Variants in UGT1A9 observed in about 807,000 individuals in gnomAD.
The protein encoded by UGT1A9 is UDP-glucuronosyltransferase 1A9.
In UGT1A9, 35 loss-of-function variants were observed where a neutral mutation model predicts 45.0. The ratio of observed to expected loss-of-function variants is 0.78; its 90% CI spans 0.59 to 1.03. The LOEUF (loss-of-function observed/expected upper bound fraction) is 1.03. Among genes scored for constraint, UGT1A9 ranks in the 50% least tolerant of loss-of-function variants. The pLI is 0.00. For synonymous variants in UGT1A9, 278 were observed against 250.6 expected, an observed-to-expected ratio of 1.11 and a Z score of -1.03; for missense variants, 687 against 666.6, an observed-to-expected ratio of 1.03 and a Z score of -0.34.
chr2:233,751,718 G>C (rs144416943), intron 1 of UGT1A9, among the ~76,000 whole-genome samples: 1 of 152,136 alleles, frequency 6.6e-6, no homozygotes, highest in Non-Finnish European at 1.5e-5. Flanking sequence ...TCACTCACAA[G>C]TGAACTCTTC....
intron 1 of UGT1A9, chr2:233,708,393 T>C (rs2076016604): frequency 6.6e-6 from 1 of 152,236 alleles, no homozygotes; most frequent in Admixed American, 6.5e-5. Context: ...TGTGTGTGTT[T>C]ACTTTCATCA....
chr2:233,743,502 T>C (rs1233244952), intron 1 of UGT1A9: 12 of 1,366,994 alleles, frequency 8.8e-6, no homozygotes, highest in African/African-American at 1.5e-5. Context: ...AGAAAAGGGG[T>C]GCAGACGCTC....
At chr2:233,747,905 T>G in intron 1 of UGT1A9, 2 of 1,613,538 alleles carry the variant, frequency 1.2e-6, no homozygotes, top group Non-Finnish European at 1.7e-6. Flanking sequence ...CTGCTCCTTA[T>G]GCAAGCCTTG....
At chr2:233,702,615 A>G (rs1053015833) in intron 1 of UGT1A9, among the ~76,000 whole-genome samples, 1 of 152,126 alleles carries the variant, frequency 6.6e-6, no homozygotes, top group Non-Finnish European at 1.5e-5. Flanking sequence ...TGCCCCCCAC[A>G]TTATGAGATT....
intron 1 of UGT1A9, among the ~76,000 whole-genome samples, chr2:233,761,398 A>G (rs1697764462): frequency 6.6e-6 from 1 of 152,192 alleles, no homozygotes; most frequent in Non-Finnish European, 1.5e-5. Context: ...AGTGGATAGT[A>G]ATCAATTAGA....
intron 1 of UGT1A9, chr2:233,729,551 A>G (rs749535297): frequency 1.9e-6 from 3 of 1,614,038 alleles, no homozygotes; most frequent in Non-Finnish European, 2.5e-6. Flanking sequence ...AGGCACCTGA[A>G]TGCTACTTCC....
intron 1 of UGT1A9, chr2:233,728,958 A>T (rs2077771946): frequency 1.4e-6 from 2 of 1,444,154 alleles, no homozygotes; most frequent in African/African-American, 2.9e-5. Context: ...CCCACAGTGA[A>T]AAACAGTGAT....
At chr2:233,692,730 T>C in intron 1 of UGT1A9, 1 of 933,346 alleles carries the variant, frequency 1.1e-6, no homozygotes, top group Non-Finnish European at 1.4e-6. Flanking sequence ...CTATAACTTT[T>C]CAGAGAGGGA....
intron 1 of UGT1A9, among the ~76,000 whole-genome samples, chr2:233,705,446 C>G (rs1313066011): frequency 6.6e-6 from 1 of 152,110 alleles, no homozygotes. Flanking sequence ...TTCAGAATTG[C>G]ACATATTTTT....
chr2:233,695,194 C>T (rs1403782855), intron 1 of UGT1A9, among the ~76,000 whole-genome samples: 1 of 147,816 alleles, frequency 6.8e-6, no homozygotes, highest in Admixed American at 6.8e-5. Flanking sequence ...GGTGCGATCT[C>T]AGCCCACTGC....
chr2:233,692,722 A>T, intron 1 of UGT1A9: 1 of 845,282 alleles, frequency 1.2e-6, no homozygotes, highest in African/African-American at 1.8e-5. Context: ...AAGTGTTGCT[A>T]TAACTTTTCA....
intron 1 of UGT1A9, among the ~76,000 whole-genome samples, chr2:233,677,778 A>C (rs2074399445): frequency 1.3e-5 from 2 of 152,202 alleles, no homozygotes; most frequent in Non-Finnish European, 1.5e-5. Flanking sequence ...GAGATTTTGC[A>C]AAGAACTTAA....
intron 1 of UGT1A9, chr2:233,743,807 T>G (rs760730105): frequency 2.2e-6 from 3 of 1,367,334 alleles, no homozygotes; most frequent in East Asian, 4.6e-5. Context: ...CTCCTTGTTC[T>G]CAGGGTTTTT....
chr2:233,767,878 A>G lies in UGT1A9; in HGVS notation c.1017A>G (p.Pro339=), dbSNP rs747062491. ...TGTGGCGGTACACTGGAACCCGACC[A>G]TCGAATCTTGCGAACAACACGATAC... ...TVLWRYTGTR[P]SNLANNTILV... The change falls in exon 3 of 5, where the codon CCA becomes CCG. Residue 339 remains proline, a synonymous_variant. Transcript: ENST00000354728. 6.2e-7 allele frequency: 1 copy of G among 1,614,032 alleles called. No individual in the cohort carries two copies. The highest frequency in any genetic ancestry group is 1.7e-5 in the Admixed American group (1 of 59,990).
chr2:233,761,189 T>C (rs763009411), intron 1 of UGT1A9: 1 of 1,614,202 alleles, frequency 6.2e-7, no homozygotes, highest in South Asian at 1.1e-5. Context: ...GCGTATATTC[T>C]TTCAGATGTA....
At chr2:233,737,644 A>G (rs548345975) in intron 1 of UGT1A9, among the ~76,000 whole-genome samples, 1 of 152,248 alleles carries the variant, frequency 6.6e-6, no homozygotes, top group Admixed American at 6.5e-5. Context: ...TGCGTCGATC[A>G]TGCTGGGAGC....
intron 1 of UGT1A9, chr2:233,689,841 A>G (rs531695215): frequency 4.6e-5 from 21 of 454,008 alleles, no homozygotes; most frequent in Admixed American, 3.8e-4. Flanking sequence ...ACTTTCTTGG[A>G]TATTGTTTTA....
intron 1 of UGT1A9, among the ~76,000 whole-genome samples, chr2:233,750,999 T>G (rs560264893): frequency 6.6e-6 from 1 of 151,774 alleles, no homozygotes; most frequent in Non-Finnish European, 1.5e-5. Flanking sequence ...GCCACCATCC[T>G]CCAGAATCCC....
chr2:233,715,507 C>A (rs1195776038), intron 1 of UGT1A9, among the ~76,000 whole-genome samples: 1 of 152,122 alleles, frequency 6.6e-6, no homozygotes, highest in East Asian at 1.9e-4. Flanking sequence ...GTGGGTAGCT[C>A]ACACCTGTAA....
Sources: gnomAD v4.1 joint callset for allele counts (sites outside exome capture counted in the v4.1 genomes callset) on GRCh38, gnomAD v4.1.1 for gene constraint, MANE v1.5 for transcripts, NCBI Gene and HGNC (gene_info 2026-07-23, HGNC 2026-07-21) for gene names.